The following TMEM276 variants were observed in gnomAD, a reference collection of about 807,000 sequenced individuals.
TMEM276 encodes transmembrane protein 276.
At chr8:144,464,329 G>A in the TMEM276 span, 8 of 1,612,596 alleles carry the variant, frequency 5.0e-6, no homozygotes, top group Non-Finnish European at 6.8e-6. Context: ...AATGAGGATG[G>A]TCACTGCGAC....
At chr8:144,464,586 G>A in the TMEM276 span, 4 of 1,609,728 alleles carry the variant, frequency 2.5e-6, no homozygotes, top group South Asian at 2.2e-5. Flanking sequence ...CCTGGAGCAG[G>A]AAGCCAGCAG....
At chr8:144,464,385 G>C in the TMEM276 span, 1 of 1,609,492 alleles carries the variant, frequency 6.2e-7, no homozygotes, top group Non-Finnish European at 8.5e-7. Context: ...CCTCAGGGCC[G>C]AGGTGGCCGC....
chr8:144,463,925 C>G, the TMEM276 span: 1 of 1,443,248 alleles, frequency 6.9e-7, no homozygotes, highest in African/African-American at 1.4e-5. Flanking sequence ...GTCTGGGACC[C>G]TGTCCCTTTC....
At chr8:144,464,566 G>T in the TMEM276 span, 1 of 1,611,240 alleles carries the variant, frequency 6.2e-7, no homozygotes. Context: ...CGTGGTGGTG[G>T]CAGCCAAGAC....
chr8:144,466,976 G>A, the TMEM276 span: 140 of 1,596,328 alleles, frequency 8.8e-5, 2 homozygotes, highest in Middle Eastern at 5.1e-4. Flanking sequence ...CGAGCCTGAG[G>A]ATGGGTCGGA....
chr8:144,465,538 GGAGGGTCGAGGCCTGGGGGA>G, the TMEM276 span: 1 of 551,196 alleles, frequency 1.8e-6, no homozygotes, highest in African/African-American at 2.1e-5. Flanking sequence ...GGCTGGGGGG[GGAGGGTCGAGGCCTGGGGGA>G]GAGGGTCGAG....
At chr8:144,466,680 C>A in the TMEM276 span, 1 of 1,255,776 alleles carries the variant, frequency 8.0e-7, no homozygotes, top group East Asian at 2.9e-5. Context: ...CGGCCCCAAT[C>A]CTCCGGCCCG....
At chr8:144,464,492 C>T in the TMEM276 span, 6 of 1,612,224 alleles carry the variant, frequency 3.7e-6, no homozygotes, top group African/African-American at 2.7e-5. Flanking sequence ...AGGGGAAGGC[C>T]GATGACGGTG....
the TMEM276 span, chr8:144,464,934 A>G: frequency 1.9e-6 from 3 of 1,604,366 alleles, no homozygotes; most frequent in East Asian, 2.2e-5. Context: ...ACGAGGACAC[A>G]GATAGGAGAT....
the TMEM276 span, chr8:144,466,817 A>G: frequency 6.5e-7 from 1 of 1,536,932 alleles, no homozygotes; most frequent in Non-Finnish European, 8.7e-7. Context: ...AGAGCTGTGG[A>G]CCGAGCTGAC....
the TMEM276 span, chr8:144,464,550 G>C: frequency 1.2e-6 from 2 of 1,611,896 alleles, no homozygotes; most frequent in Admixed American, 3.3e-5. Context: ...TCAGCCCTGG[G>C]GCCAGCGTGG....
the TMEM276 span, chr8:144,464,512 G>A: frequency 3.7e-6 from 6 of 1,612,252 alleles, no homozygotes; most frequent in Non-Finnish European, 5.1e-6. Context: ...GGCCACCCAG[G>A]CTCCAGCAAG....
the TMEM276 span, chr8:144,465,010 G>C: frequency 6.5e-7 from 1 of 1,540,262 alleles, no homozygotes; most frequent in Non-Finnish European, 8.7e-7. Flanking sequence ...CGGCACTCTA[G>C]TAAGCCCAGG....
chr8:144,464,089 T>G, the TMEM276 span: 1 of 1,577,194 alleles, frequency 6.3e-7, no homozygotes, highest in African/African-American at 1.3e-5. Flanking sequence ...GGGAAAGTGT[T>G]CGGCAGGGCA....
the TMEM276 span, chr8:144,464,390 G>T: frequency 6.2e-7 from 1 of 1,609,444 alleles, no homozygotes; most frequent in Admixed American, 1.7e-5. Context: ...GGGCCGAGGT[G>T]GCCGCCAGCC....
At chr8:144,464,332 A>G in the TMEM276 span, 2 of 1,612,290 alleles carry the variant, frequency 1.2e-6, no homozygotes, top group Non-Finnish European at 1.7e-6. Context: ...GAGGATGGTC[A>G]CTGCGACCAC....
At chr8:144,464,837 G>C in the TMEM276 span, 8 of 1,612,888 alleles carry the variant, frequency 5.0e-6, no homozygotes, top group South Asian at 1.1e-5. Context: ...TGCGTGCAGA[G>C]ACACCACTCC....
the TMEM276 span, chr8:144,463,903 A>AC: frequency 7.1e-7 from 1 of 1,403,676 alleles, no homozygotes; most frequent in Non-Finnish European, 9.2e-7. Flanking sequence ...CAGAATCAGG[A>AC]CCCCCAAACG....
At chr8:144,466,344 C>CGGCG in the TMEM276 span, 7 of 495,640 alleles carry the variant, frequency 1.4e-5, no homozygotes, top group East Asian at 3.9e-4. Context: ...ACCGGCACTG[C>CGGCG]GGCGGGCGGG....
Sources: gnomAD v4.1 joint callset for allele counts on GRCh38, gnomAD v4.1.1 for gene constraint, MANE v1.5 for transcripts, NCBI Gene and HGNC (gene_info 2026-07-23, HGNC 2026-07-21) for gene names.